The following CD226 variants were observed in gnomAD, a reference collection of about 807,000 sequenced individuals.
CD226 encodes the protein CD226 molecule, also known as CD226 antigen.
In CD226, 24 loss-of-function variants were observed where a neutral mutation model predicts 34.9. The observed-to-expected ratio is 0.69, with a 90% CI of 0.50 to 0.97. The LOEUF is 0.97. Among genes scored for constraint, CD226 ranks in the 50% least tolerant of loss-of-function variants. The pLI is 0.00. For missense variants in CD226, 397 were observed against 412.7 expected (o/e 0.96, Z 0.33); for synonymous variants, 148 against 147.4 (o/e 1.00, Z -0.03).
intron 3 of CD226, among the ~76,000 whole-genome samples, chr18:69,882,461 G>A (rs1169038444): frequency 6.6e-6 from 1 of 152,142 alleles, no homozygotes. Context: ...ACAGTGATTG[G>A]TGTATGGCAA....
Position 69,935,141 on chromosome 18 carries a change from A to G in CD226, c.382+11593T>C, listed in dbSNP as rs116897409. On this transcript the variant is annotated intron_variant, in intron 2 of 5. Coordinates refer to ENST00000582621, the MANE Select transcript of CD226 (RefSeq NM_001303618.2). ...ATCAGTAAAAACTGAGAGCTTTACC[A>G]GCTAAGAGCTTTTGGACTTTCTTCA... Among the ~76,000 whole-genome samples the G allele has an allele frequency of 8.5e-3, 1,300 of 152,352 alleles. 12 individuals carry two copies. The highest frequency in any genetic ancestry group is 0.02 in the Middle Eastern group (6 of 294).
rs1982695966 is a variant in CD226 at position 69,858,960 on chromosome 18, C to G, written c.*5354G>C. On this transcript the variant is annotated 3_prime_UTR_variant, in exon 6 of 6. Coordinates refer to ENST00000582621, the MANE Select transcript of CD226 (RefSeq NM_001303618.2). ...GCCAAGTTGGTCTCAAACTCCTGAC[C>G]TCGTATTTTTTTTTTTCTTCAACAG... 1 of 151,616 alleles carries G rather than the reference C, an allele frequency of 6.6e-6. No homozygotes were observed. Among genetic ancestry groups the G allele is most frequent in the African/African-American group, 2.4e-5 (1 of 41,302 alleles). The allele number at this position is 151,616 out of a possible 1,614,324, so 9.4% of individuals were successfully genotyped here.
upstream of CD226, among the ~76,000 whole-genome samples, chr18:69,959,326 G>A (rs1042400334): frequency 3.9e-5 from 6 of 152,144 alleles, no homozygotes; most frequent in African/African-American, 1.4e-4. Context: ...ATCAACAAGA[G>A]CCCTCTCTCC....
chr18:69,949,377 C>A (rs17229961), upstream of CD226, among the ~76,000 whole-genome samples: 5,602 of 152,270 alleles, frequency 0.037, 139 homozygotes, highest in Middle Eastern at 0.078. Flanking sequence ...TGGAAGACCT[C>A]CATCAGAATT....
rs140968770 is a variant in CD226 at position 69,877,115 on chromosome 18, C to T, written c.728-3869G>A. On this transcript the variant is annotated intron_variant, in intron 3 of 5. Transcript: ENST00000582621. ...CTCACCTAAGGTGATCCGCCCTCCTCGGCCTCCCAAAGTGCTGGGATTGCA... is the reference window on the plus strand; with the variant it reads ...CTCACCTAAGGTGATCCGCCCTCCTTGGCCTCCCAAAGTGCTGGGATTGCA... Among the ~76,000 whole-genome samples, 1,124 of 152,222 alleles carry T rather than the reference C, an allele frequency of 7.4e-3. 11 individuals are homozygous for T. The highest frequency in any genetic ancestry group is 0.027 in the Middle Eastern group (8 of 292).
intron 2 of CD226, among the ~76,000 whole-genome samples, chr18:69,902,772 TA>T (rs891196289): frequency 3.3e-5 from 5 of 151,944 alleles, no homozygotes; most frequent in African/African-American, 1.2e-4. Context: ...TCAAATAGAC[TA>T]AAAATTAAAC....
In CD226 at chr18:69,855,637, G is replaced by A. The variant is rs1213602476; in HGVS notation, c.*8677C>T. 1 of 151,998 alleles carries A rather than the reference G, an allele frequency of 6.6e-6. No individual in the cohort carries two copies. The highest frequency in any genetic ancestry group is 1.5e-5 in the Non-Finnish European group (1 of 67,976). The allele number at this position is 151,998 out of a possible 1,614,324, so 9.4% of individuals were successfully genotyped here. A position where few individuals can be genotyped will look rare whatever the true frequency, so the allele number is the denominator to read the frequency against. ...TAAATAGAATAAATACCAAAAAAAAGAGGGGAAAAGGAGAAAAACCTAGGT... is the reference window on the plus strand; with the variant it reads ...TAAATAGAATAAATACCAAAAAAAAAAGGGGAAAAGGAGAAAAACCTAGGT... On this transcript the variant is annotated 3_prime_UTR_variant, in exon 6 of 6. Coordinates refer to ENST00000582621, the MANE Select transcript of CD226 (RefSeq NM_001303618.2).
intron 2 of CD226, among the ~76,000 whole-genome samples, chr18:69,937,723 T>G (rs1159172726): frequency 2.0e-5 from 3 of 152,148 alleles, no homozygotes; most frequent in African/African-American, 7.2e-5. Context: ...TTTGAGACAC[T>G]TCCCTCTCCC....
chr18:69,957,881 G>T (rs969432270), upstream of CD226, among the ~76,000 whole-genome samples: 6 of 152,270 alleles, frequency 3.9e-5, no homozygotes, highest in Admixed American at 3.3e-4. Flanking sequence ...ATGTCTTACT[G>T]ACTTGCAAGG....
chr18:69,954,730 T>G (rs544486024), intron 1 of CD226, among the ~76,000 whole-genome samples: 1 of 152,210 alleles, frequency 6.6e-6, no homozygotes, highest in East Asian at 1.9e-4. Flanking sequence ...AGAGAACTTG[T>G]GTATTTGCAC....
intron 2 of CD226, among the ~76,000 whole-genome samples, chr18:69,927,545 C>A (rs1352558608): frequency 6.6e-6 from 1 of 152,074 alleles, no homozygotes; most frequent in Non-Finnish European, 1.5e-5. Flanking sequence ...GTTCTCCCAT[C>A]CCCCACCCCC....
intron 2 of CD226, among the ~76,000 whole-genome samples, chr18:69,899,594 G>A (rs1367694031): frequency 5.9e-5 from 9 of 152,106 alleles, no homozygotes; most frequent in Admixed American, 3.3e-4. Flanking sequence ...AGAGGAAAAC[G>A]ACCCCATTAA....
chr18:69,931,884 T>C (rs1037180332), intron 2 of CD226, among the ~76,000 whole-genome samples: 3 of 152,216 alleles, frequency 2.0e-5, no homozygotes, highest in South Asian at 2.1e-4. Context: ...TACCACAGAC[T>C]GGATGGCTTA....
intron 1 of CD226, among the ~76,000 whole-genome samples, chr18:69,953,037 A>C (rs1579582): frequency 0.9 from 136,943 of 152,232 alleles, 62,968 homozygotes; most frequent in East Asian, 1. Flanking sequence ...ACTAGGATGG[A>C]CATAATCAAA....
intron 2 of CD226, among the ~76,000 whole-genome samples, chr18:69,898,616 G>T (rs1466140235): frequency 6.6e-6 from 1 of 152,200 alleles, no homozygotes; most frequent in Non-Finnish European, 1.5e-5. Flanking sequence ...GAAAGAAGTG[G>T]TTCCCAACCC....
In CD226 at chr18:69,857,677, T is replaced by C. The variant is rs1982650918; in HGVS notation, c.*6637A>G. Reference sequence around the variant, plus strand: ...ATGTCTTACAAATATGGCTGGGCAATACAACACAAGGCTTCCTTTTCAGGA... The same window carrying C: ...ATGTCTTACAAATATGGCTGGGCAACACAACACAAGGCTTCCTTTTCAGGA... On this transcript the variant is annotated 3_prime_UTR_variant, in exon 6 of 6. Transcript: ENST00000582621. The C allele has an allele frequency of 6.6e-6, 1 of 152,238 alleles. No individual in the cohort carries two copies. Among genetic ancestry groups the C allele is most frequent in the South Asian group, 2.1e-4 (1 of 4,836 alleles). 9.4% of individuals were successfully genotyped at this position (152,238 alleles called of 1,614,324 possible).
At chr18:69,879,455 A>C (rs1201067586) in intron 3 of CD226, among the ~76,000 whole-genome samples, 2 of 152,074 alleles carry the variant, frequency 1.3e-5, no homozygotes, top group Non-Finnish European at 2.9e-5. Context: ...GAATTCAGCG[A>C]TATTTCTCTT....
At chr18:69,864,511 TA>T in intron 5 of CD226, 72 bp from the exon 6 acceptor site, 1 of 1,458,204 alleles carries the variant, frequency 6.9e-7, no homozygotes, top group South Asian at 1.2e-5. Flanking sequence ...ATTCAAAACA[TA>T]CCTCTCATAA....
At chr18:69,897,734 G>A (rs545843623) in intron 2 of CD226, among the ~76,000 whole-genome samples, 27 of 152,286 alleles carry the variant, frequency 1.8e-4, no homozygotes, top group African/African-American at 5.3e-4. Context: ...CAAAAGAGAT[G>A]TCACATTTCG....
Sources: gnomAD v4.1 joint callset for allele counts (sites outside exome capture counted in the v4.1 genomes callset) on GRCh38, gnomAD v4.1.1 for gene constraint, MANE v1.5 for transcripts, NCBI Gene and HGNC (gene_info 2026-07-23, HGNC 2026-07-21) for gene names.